The following ZFHX3 variants were observed in gnomAD, a reference collection of about 807,000 sequenced individuals.
ZFHX3 encodes zinc finger homeobox protein 3.
A neutral mutation model predicts 279.1 loss-of-function variants in ZFHX3; 42 were observed. That is an observed-to-expected ratio of 0.15 (90% confidence interval 0.12 to 0.19). The LOEUF is 0.19. Ranked by LOEUF, ZFHX3 falls within the 10% of genes least tolerant of loss-of-function variation. The pLI, the probability that ZFHX3 is intolerant of heterozygous loss-of-function variation, is 1.00. For missense variants in ZFHX3, 4,981 were observed against 4,754.0 expected (o/e 1.05, Z -1.40); for synonymous variants, 2,293 against 1,957.8 (o/e 1.17, Z -4.52).
At chr16:73,172,821 A>G (rs1468748019) in intron 5 of ZFHX3, among the ~76,000 whole-genome samples, 2 of 152,016 alleles carry the variant, frequency 1.3e-5, no homozygotes, top group East Asian at 1.9e-4. Context: ...GTGAAGGACC[A>G]TGGGTCATTG....
Position 73,715,081 on chromosome 16 carries a change from T to A in ZFHX3, c.-1607-34841A>T, listed in dbSNP as rs182073441. Among the ~76,000 whole-genome samples, 7 of 152,318 alleles carry A rather than the reference T, an allele frequency of 4.6e-5. No homozygotes were observed. In the East Asian group the frequency reaches 1.2e-3, roughly 25 times the overall value. On this transcript the variant is annotated intron_variant, in intron 1 of 17. Coordinates refer to the ZFHX3 transcript ENST00000641206. ...TTGAGCATATAGCATCTGCTCCCAA[T>A]CTGCCTGCTCGGGTCAAGCTGGATG... is the stretch of plus-strand genomic sequence containing the variant.
intron 4 of ZFHX3, among the ~76,000 whole-genome samples, chr16:73,307,689 A>T (rs533875084): frequency 7.9e-5 from 12 of 152,084 alleles, no homozygotes; most frequent in Admixed American, 3.3e-4. Context: ...TCCTTCTCTT[A>T]TATCTGTTTG....
chr16:73,487,478 G>T, intron 2 of ZFHX3: 2 of 432,150 alleles, frequency 4.6e-6, no homozygotes, highest in Non-Finnish European at 4.6e-6. Flanking sequence ...ATGGCTCCTT[G>T]CAGCCTCAGT....
intron 4 of ZFHX3, among the ~76,000 whole-genome samples, chr16:72,834,341 C>T (rs535479189): frequency 1.3e-5 from 2 of 152,322 alleles, no homozygotes; most frequent in East Asian, 3.9e-4. Flanking sequence ...CTGGCAAAAT[C>T]CAGCCTGCTC....
intron 3 of ZFHX3, among the ~76,000 whole-genome samples, chr16:73,447,457 G>T (rs1294542812): frequency 1.3e-5 from 2 of 152,142 alleles, no homozygotes; most frequent in African/African-American, 4.8e-5. Context: ...ATACCCCACA[G>T]TTCGGAGAAA....
intron 4 of ZFHX3, among the ~76,000 whole-genome samples, chr16:72,886,657 CA>C (rs1048181173): frequency 2.6e-5 from 4 of 151,776 alleles, no homozygotes; most frequent in Admixed American, 6.6e-5. Flanking sequence ...CAGAGCTGGC[CA>C]AAAAAACACC....
intron 1 of ZFHX3, among the ~76,000 whole-genome samples, chr16:73,823,686 A>T (rs1462928381): frequency 1.3e-5 from 2 of 152,198 alleles, no homozygotes; most frequent in African/African-American, 4.8e-5. Context: ...TGCTACGGAG[A>T]CCATCAGACC....
chr16:72,920,104 A>G (rs1414748514), intron 3 of ZFHX3, among the ~76,000 whole-genome samples: 4 of 151,726 alleles, frequency 2.6e-5, no homozygotes, highest in Non-Finnish European at 5.9e-5. Context: ...CTGCATCACC[A>G]TTTTTAATAC....
chr16:73,747,753 T>C (rs2053717497), intron 1 of ZFHX3, among the ~76,000 whole-genome samples: 1 of 152,196 alleles, frequency 6.6e-6, no homozygotes, highest in South Asian at 2.1e-4. Context: ...CCAACAGCCA[T>C]CTCAAATTTA....
In ZFHX3 at chr16:73,258,338, C is replaced by CATATATATATAT. The variant is rs59013847; in HGVS notation, c.-1193-1214_-1193-1203dup. Among the ~76,000 whole-genome samples, 305 of 124,940 alleles carry CATATATATATAT rather than the reference C, an allele frequency of 2.4e-3. 3 individuals are homozygous for CATATATATATAT. The highest frequency in any genetic ancestry group is 8.4e-3 in the African/African-American group (292 of 34,916). 82.0% of individuals were successfully genotyped at this position (124,940 alleles called of 152,430 possible). On this transcript the variant is annotated intron_variant, in intron 4 of 17. Coordinates refer to the ZFHX3 transcript ENST00000641206. ...ATCGTTCCCTATTATTTTGCTATGA[C>CATATATATATAT]ATATATATATATATATATATTTGTT...
intron 1 of ZFHX3, among the ~76,000 whole-genome samples, chr16:73,684,919 TTGAACTCC>T (rs1307479156): frequency 6.6e-6 from 1 of 152,128 alleles, no homozygotes; most frequent in Non-Finnish European, 1.5e-5. Flanking sequence ...CAGGCTGGTC[TTGAACTCC>T]TGACCTCATG....
chr16:73,413,100 G>C (rs141278629), intron 3 of ZFHX3, among the ~76,000 whole-genome samples: 5 of 152,316 alleles, frequency 3.3e-5, no homozygotes, highest in African/African-American at 1.2e-4. Flanking sequence ...GATTACTGGC[G>C]ATTATGAATG....
intron 8 of ZFHX3, among the ~76,000 whole-genome samples, chr16:73,091,521 G>GCAT (rs1290410975): frequency 7.2e-4 from 109 of 152,290 alleles, no homozygotes; most frequent in Non-Finnish European, 1.4e-3. Flanking sequence ...GTAGCCTGAG[G>GCAT]TTGGCTATGT....
chr16:73,784,796 A>AAAAAATATATAT (rs56734827), intron 1 of ZFHX3, among the ~76,000 whole-genome samples: 5 of 131,110 alleles, frequency 3.8e-5, no homozygotes, highest in East Asian at 2.2e-4. Context: ...TAAAAAAAAA[A>AAAAAATATATAT]ATATATATAT....
chr16:73,787,074 G>A (rs1010729396), intron 1 of ZFHX3, among the ~76,000 whole-genome samples: 1 of 152,122 alleles, frequency 6.6e-6, no homozygotes, highest in Non-Finnish European at 1.5e-5. Flanking sequence ...CCTCAAGATT[G>A]TATGCTTTTT....
At chr16:73,246,944 G>A (rs2083617874) in intron 5 of ZFHX3, among the ~76,000 whole-genome samples, 1 of 152,128 alleles carries the variant, frequency 6.6e-6, no homozygotes, top group African/African-American at 2.4e-5. Context: ...TTGCTTCAAG[G>A]TTTTCAGGCA....
At chr16:73,356,851 T>C (rs2016349540) in intron 3 of ZFHX3, among the ~76,000 whole-genome samples, 2 of 151,700 alleles carry the variant, frequency 1.3e-5, no homozygotes, top group African/African-American at 4.8e-5. Context: ...TTTTTTTTTT[T>C]TCTTCCTGGC....
Position 73,799,254 on chromosome 16 carries a change from T to G in ZFHX3, c.-1608+92397A>C, listed in dbSNP as rs539671939. On this transcript the variant is annotated intron_variant, in intron 1 of 17. Transcript: ENST00000641206. ...TAGCCACTTCAAAGAGCTGATACAA[T>G]GACTAAATATGTAATATCTATAAAA... Among the ~76,000 whole-genome samples the G allele has an allele frequency of 2.0e-5, 3 of 152,286 alleles. No individual in the cohort carries two copies. The South Asian group carries it at 6.2e-4, about 32-fold the overall frequency.
At chr16:73,782,071 T>C (rs1379632264) in intron 1 of ZFHX3, among the ~76,000 whole-genome samples, 1 of 152,228 alleles carries the variant, frequency 6.6e-6, no homozygotes, top group Non-Finnish European at 1.5e-5. Context: ...AGGGTCTCCA[T>C]TGCCCAGTGC....
Sources: allele counts gnomAD v4.1 joint callset (sites outside exome capture counted in the v4.1 genomes callset), GRCh38; gene constraint gnomAD v4.1.1; transcripts MANE v1.5; gene names NCBI Gene and HGNC (gene_info 2026-07-23, HGNC 2026-07-21).